The following ENOX1 variants were observed in gnomAD, a reference collection of about 807,000 sequenced individuals.
ENOX1 encodes the protein ecto-NOX disulfide-thiol exchanger 1, also known as candidate growth-related and time keeping constitutive hydroquinone (NADH) oxidase.
In ENOX1, 42 loss-of-function variants were observed where a neutral mutation model predicts 82.5. The observed-to-expected ratio is 0.51, with a 90% CI of 0.40 to 0.66. ENOX1 has a LOEUF of 0.66. Ranked by LOEUF, ENOX1 falls within the 30% of genes least tolerant of loss-of-function variation. The probability of loss-of-function intolerance (pLI) is 0.00; values close to 1 mark genes in which losing one functional copy is unlikely to be tolerated. For missense variants in ENOX1, 608 were observed against 811.6 expected (o/e 0.75, Z 3.05); for synonymous variants, 271 against 282.2 (o/e 0.96, Z 0.40).
chr13:43,268,703 A>T (rs1166896581), intron 13 of ENOX1, among the ~76,000 whole-genome samples: 3 of 152,208 alleles, frequency 2.0e-5, no homozygotes, highest in African/African-American at 7.2e-5. Context: ...AAAAATTTAA[A>T]ACAATCTGCA....
chr13:43,272,832 C>T (rs979534029), intron 12 of ENOX1, among the ~76,000 whole-genome samples: 1 of 152,088 alleles, frequency 6.6e-6, no homozygotes, highest in African/African-American at 2.4e-5. Context: ...ACCACTGTAT[C>T]CTGAAATGCT....
At chr13:43,252,241 C>T (rs1268418559) in intron 14 of ENOX1, among the ~76,000 whole-genome samples, 9 of 152,286 alleles carry the variant, frequency 5.9e-5, no homozygotes, top group Admixed American at 5.9e-4. Context: ...GGCCACAAGT[C>T]TCCCCTGCAA....
rs1320007516 is a variant in ENOX1, at chr13:43,374,237, A to T, written c.209-12785T>A. On this transcript the variant is annotated intron_variant, in intron 5 of 16. Transcript: ENST00000690772. ...TTCCTTCCTTCTTAATCTTTCTTTT[A>T]TCTTTTCTTTTCTTTTTTTTTTTTT... is the stretch of plus-strand genomic sequence containing the variant. 1.1e-3 allele frequency among the ~76,000 whole-genome samples: 116 copies of T among 106,002 alleles called. No homozygotes were observed. In the Middle Eastern group the frequency reaches 0.015, roughly 13 times the overall value. The allele number at this position is 106,002 out of a possible 152,430, so 69.5% of individuals were successfully genotyped here. A position where few individuals can be genotyped will look rare whatever the true frequency, so the allele number is the denominator to read the frequency against.
chr13:43,396,744 T>C (rs1272809142), intron 5 of ENOX1, among the ~76,000 whole-genome samples: 1 of 152,202 alleles, frequency 6.6e-6, no homozygotes, highest in Non-Finnish European at 1.5e-5. Context: ...CCATGTTGCT[T>C]TATTCCTTCC....
chr13:43,353,531 A>G (rs551265143), intron 8 of ENOX1, among the ~76,000 whole-genome samples: 5 of 152,322 alleles, frequency 3.3e-5, no homozygotes, highest in African/African-American at 1.2e-4. Context: ...CCCCACATCA[A>G]TGAAATCATC....
intron 3 of ENOX1, among the ~76,000 whole-genome samples, chr13:43,441,366 G>T (rs760257558): frequency 6.6e-6 from 1 of 152,052 alleles, no homozygotes; most frequent in East Asian, 1.9e-4. Flanking sequence ...TCTTACAAGG[G>T]CTGTATGTTT....
Position 43,406,579 on chromosome 13 carries a change from G to A in ENOX1, c.208+5337C>T, listed in dbSNP as rs578048632. On this transcript the variant is annotated intron_variant, in intron 5 of 16. Transcript: ENST00000690772. Reference sequence around the variant, plus strand: ...GCCATCTCGGCTCACTGCAAGCTCCGCCTCCCGGGTTCACGCCATTCTCCT... The same window carrying A: ...GCCATCTCGGCTCACTGCAAGCTCCACCTCCCGGGTTCACGCCATTCTCCT... Among the ~76,000 whole-genome samples, 70 of 147,722 alleles carry A rather than the reference G, an allele frequency of 4.7e-4. 1 individual carries two copies. Among genetic ancestry groups the A allele is most frequent in the Middle Eastern group, 7.1e-3 (2 of 282 alleles).
intron 5 of ENOX1, among the ~76,000 whole-genome samples, chr13:43,379,891 A>T (rs2051909561): frequency 6.6e-6 from 1 of 151,978 alleles, no homozygotes; most frequent in Non-Finnish European, 1.5e-5. Context: ...AATGATAAAG[A>T]CAAACTCTTA....
At chr13:43,539,977 G>T (rs1425998713) in intron 2 of ENOX1, among the ~76,000 whole-genome samples, 1 of 151,994 alleles carries the variant, frequency 6.6e-6, no homozygotes, top group Admixed American at 6.6e-5. Context: ...CCCTTTGCTA[G>T]GTGGAGAGCA....
At chr13:43,236,792 G>A (rs1371905267) in intron 14 of ENOX1, 54 bp from the exon 15 acceptor site, 2 of 1,050,866 alleles carry the variant, frequency 1.9e-6, no homozygotes, top group Non-Finnish European at 2.7e-6. Context: ...TTCTGTGCAT[G>A]TCAATAAAAA....
chr13:43,672,332 C>A (rs1327454893), intron 1 of ENOX1, among the ~76,000 whole-genome samples: 1 of 152,100 alleles, frequency 6.6e-6, no homozygotes, highest in Admixed American at 6.6e-5. Flanking sequence ...TAAAGTAAAG[C>A]CTTGGTAAAT....
intron 2 of ENOX1, among the ~76,000 whole-genome samples, chr13:43,541,255 T>C (rs1181042350): frequency 6.9e-6 from 1 of 145,748 alleles, no homozygotes; most frequent in Non-Finnish European, 1.5e-5. Context: ...TCCTAGCATT[T>C]TGGGAGGCCA....
rs148449237 is a variant in ENOX1, at chr13:43,699,279, C to A, written c.-284-31735G>T. On this transcript the variant is annotated intron_variant, in intron 1 of 16. Coordinates refer to ENST00000690772, the MANE Select transcript of ENOX1 (RefSeq NM_001347969.2). ...TCAAACAGATCACTTCGTTTTTATA[C>A]ACTTCTGGTTCAGGAGTCTGATTTG... Among the ~76,000 whole-genome samples, 147 of 152,306 alleles carry A rather than the reference C, an allele frequency of 9.7e-4. 1 individual carries two copies. Among genetic ancestry groups the A allele is most frequent in the African/African-American group, 3.2e-3 (134 of 41,578 alleles).
chr13:43,510,309 A>G (rs1282239580), intron 2 of ENOX1, among the ~76,000 whole-genome samples: 1 of 152,150 alleles, frequency 6.6e-6, no homozygotes, highest in Non-Finnish European at 1.5e-5. Context: ...TGTTACTAAC[A>G]TTGTAATTAC....
chr13:43,677,475 A>AATTC (rs1372610982), intron 1 of ENOX1, among the ~76,000 whole-genome samples: 10 of 152,204 alleles, frequency 6.6e-5, no homozygotes, highest in African/African-American at 2.4e-4. Context: ...TGGAAAGGGC[A>AATTC]AGAAACTGAG....
At chr13:43,559,407 C>G (rs4942238) in intron 2 of ENOX1, among the ~76,000 whole-genome samples, 1 of 152,112 alleles carries the variant, frequency 6.6e-6, no homozygotes, top group African/African-American at 2.4e-5. Flanking sequence ...CCATGTACAA[C>G]CTTAATTTTC....
rs35822682 is a variant in ENOX1, at chr13:43,274,322, GT to G, written c.1447-4746del. The stretch of plus-strand genomic sequence containing the variant: ...AGAAAAATAAAATCACTCCTAGACT[GT>G]TTTCTGCATTCTGCAAAGTTAATGT... On this transcript the variant is annotated intron_variant, in intron 12 of 16. Coordinates refer to ENST00000690772, the MANE Select transcript of ENOX1 (RefSeq NM_001347969.2). Among the ~76,000 whole-genome samples, 152 of 152,286 alleles carry G rather than the reference GT, an allele frequency of 1.0e-3. 2 individuals carry two copies. The highest frequency in any genetic ancestry group is 9.4e-3 in the Admixed American group (144 of 15,294).
At chr13:43,610,948 ATGG>A (rs1428738309) in intron 2 of ENOX1, among the ~76,000 whole-genome samples, 1 of 152,202 alleles carries the variant, frequency 6.6e-6, no homozygotes, top group Non-Finnish European at 1.5e-5. Flanking sequence ...CTAAAATAGG[ATGG>A]TGGTGGTTAC....
chr13:43,218,022 C>T (rs533038378), intron 16 of ENOX1, among the ~76,000 whole-genome samples: 39 of 152,290 alleles, frequency 2.6e-4, no homozygotes, highest in African/African-American at 9.1e-4. Context: ...GATAACCCCC[C>T]AAAAACCACT....
Sources: gnomAD v4.1 joint callset for allele counts (sites outside exome capture counted in the v4.1 genomes callset) on GRCh38, gnomAD v4.1.1 for gene constraint, MANE v1.5 for transcripts, NCBI Gene and HGNC (gene_info 2026-07-23, HGNC 2026-07-21) for gene names.